Variants in JMJD4 observed in about 807,000 individuals in gnomAD.
The protein encoded by JMJD4 is jumonji domain containing 4, also known as 2-oxoglutarate and iron-dependent oxygenase JMJD4.
In JMJD4, 34 loss-of-function variants were observed where a neutral mutation model predicts 36.3. The observed-to-expected ratio is 0.94, with a 90% CI of 0.71 to 1.25. JMJD4 has a LOEUF of 1.25. Among genes scored for constraint, JMJD4 ranks in the 50% most tolerant of loss-of-function variants. The pLI is 0.00. For synonymous variants in JMJD4, 269 were observed against 235.3 expected (o/e 1.14, Z -1.31); for missense variants, 584 against 559.1 (o/e 1.04, Z -0.45).
Position 227,732,916 on chromosome 1 carries a change from TCCAC to T in JMJD4, c.930_933del (p.Trp311GlyfsTer15). On this transcript the variant is annotated frameshift_variant, in exon 5 of 6. Coordinates refer to ENST00000620518, the MANE Select transcript of JMJD4 (RefSeq NM_023007.3). LOFTEE classifies it low-confidence loss of function (END_TRUNC). Reference sequence around the variant, plus strand: ...TGGTGCCAGTCGGGCATGGAGTCCCTCCACTCGCTGACCTCCTCCTGCACGGCGC... The same window carrying T: ...TGGTGCCAGTCGGGCATGGAGTCCCTTCGCTGACCTCCTCCTGCACGGCGC... The T allele has an allele frequency of 3.1e-6, 5 of 1,612,938 alleles. No homozygotes were observed. Among genetic ancestry groups the T allele is most frequent in the Non-Finnish European group, 4.2e-6 (5 of 1,180,000 alleles).
chr1:227,734,566 C>T, intron 2 of JMJD4, 85 bp downstream of exon 2: 12 of 1,372,864 alleles, frequency 8.7e-6, no homozygotes, highest in Admixed American at 1.8e-5. Flanking sequence ...CGTTGTGCAC[C>T]CAGGGGCCAC....
At chr1:227,734,152 C>G (rs1660886762) in intron 2 of JMJD4, 120 bp from the exon 3 acceptor site, 1 of 1,160,330 alleles carries the variant, frequency 8.6e-7, no homozygotes, top group Admixed American at 2.5e-5. Context: ...GCTGCAGCCC[C>G]CAAAGAGCCC....
rs957384866 is a variant in JMJD4, at chr1:227,735,046, C to T, written c.228G>A (p.Gly76=). The T allele has an allele frequency of 1.3e-6, 2 of 1,555,278 alleles. No homozygotes were observed. Among genetic ancestry groups the T allele is most frequent in the Admixed American group, 1.9e-5 (1 of 52,068 alleles). The stretch of plus-strand genomic sequence containing the variant: ...GTAGCAGGTGGTCGAAGTCGGGCCT[C>T]CCCGCGGGCGTCACCCAGCGCCGCC... ...GSRRRWVTPA[G]RPDFDHLLRT... The change falls in exon 1 of 6, where the codon GGG becomes GGA. Residue 76 remains glycine (G), a synonymous_variant. Coordinates refer to ENST00000620518, the MANE Select transcript of JMJD4 (RefSeq NM_023007.3).
chr1:227,733,603 G>A lies in JMJD4; in HGVS notation c.633C>T (p.Phe211=). 1.2e-6 allele frequency: 2 copies of A among 1,606,294 alleles called. No homozygotes were observed. The highest frequency in any genetic ancestry group is 2.2e-5 in the East Asian group (1 of 44,870). The change falls in exon 4 of 6, where the codon TTC becomes TTT. Residue 211 remains phenylalanine (F), a synonymous_variant. Transcript: ENST00000620518. ...NVCGRKKWLL[F]PPGQEEALRD... is the part of the protein sequence containing the mutation. ...GCAGGGCCTCTTCCTGCCCTGGGGG[G>A]AAGAGGAGCCACTTCTTCCTCCCAC...
In JMJD4 at chr1:227,733,971, C is replaced by A; in HGVS notation, c.490G>T (p.Glu164Ter). 4.3e-6 allele frequency: 7 copies of A among 1,613,960 alleles called. No individual in the cohort carries two copies. Among genetic ancestry groups the A allele is most frequent in the Non-Finnish European group, 5.1e-6 (6 of 1,180,022 alleles). ...TCCACATCCAGTGCATCCCAGAACTCATTCAGCCAGTCGGACGAGAAGTAC... is the reference window on the plus strand; with the variant it reads ...TCCACATCCAGTGCATCCCAGAACTAATTCAGCCAGTCGGACGAGAAGTAC... Reference protein sequence around the residue: ...PVYFSSDWLNEFWDALDVDDY... With the variant: ...PVYFSSDWLN Residue 164 changes from glutamate (E) to a stop codon, truncating the protein, a stop_gained, in exon 3 of 6, where the codon GAG becomes TAG. Coordinates refer to ENST00000620518, the MANE Select transcript of JMJD4 (RefSeq NM_023007.3). LOFTEE classifies it high-confidence loss of function.
At position 227,731,687 on chromosome 1, in the gene JMJD4, A is replaced by T. The variant is rs1164395843; in HGVS notation, c.*705T>A. 2 of 153,872 alleles carry T rather than the reference A, an allele frequency of 1.3e-5. No individual in the cohort carries two copies. Among genetic ancestry groups the T allele is most frequent in the African/African-American group, 4.8e-5 (2 of 41,470 alleles). The allele number at this position is 153,872 out of a possible 1,614,324, so 9.5% of individuals were successfully genotyped here. ...GGGCTGGGGACCCACCACTCCTGAG[A>T]ACAGCATCCTTGGGAAGACCCAGCT... On this transcript the variant is annotated 3_prime_UTR_variant, in exon 6 of 6. Coordinates refer to ENST00000620518, the MANE Select transcript of JMJD4 (RefSeq NM_023007.3).
At chr1:227,734,506 A>G (rs1321684662) in intron 2 of JMJD4, 145 bp downstream of exon 2, 2 of 698,224 alleles carry the variant, frequency 2.9e-6, no homozygotes. Flanking sequence ...GCGGAAGACA[A>G]TCCAGTTTCT....
At chr1:227,734,449 G>A (rs1178040331) in intron 2 of JMJD4, 2 of 465,196 alleles carry the variant, frequency 4.3e-6, no homozygotes, top group East Asian at 6.8e-5. Flanking sequence ...CAAAAAAAAA[G>A]GAAAAAAAAC....
intron 3 of JMJD4, 69 bp downstream of exon 3, chr1:227,733,831 TCCTGCCA>T: frequency 6.3e-7 from 1 of 1,597,068 alleles, no homozygotes; most frequent in Non-Finnish European, 8.5e-7. Context: ...GCAGCCCCCC[TCCTGCCA>T]CCCTGGGCCT....
At position 227,735,099 on chromosome 1, in the gene JMJD4, T is replaced by C; in HGVS notation, c.175A>G (p.Ser59Gly). 6.4e-7 allele frequency: 1 copy of C among 1,574,320 alleles called. No homozygotes were observed. The highest frequency in any genetic ancestry group is 1.8e-5 in the Admixed American group (1 of 54,410). ...LLPNLPCVFS[S>G]AFTQGWGSRR... ...CTGCCCCAGCCCTGCGTGAAGGCGC[T>C]GGAAAACACGCAGGGCAGGTTGGGC... Residue 59 changes from serine to glycine, a missense_variant, in exon 1 of 6, where the codon AGC becomes GGC. Transcript: ENST00000620518.
Position 227,732,868 on chromosome 1 carries a change from G to A in JMJD4, c.969+13C>T, listed in dbSNP as rs369464812. ...TCCCCCAGGAGGGTAGCCTCCATGC[G>A]TAGCCACCCCACCTGGCAGTGGTGG... On this transcript the variant is annotated intron_variant, in intron 5 of 5. Coordinates refer to ENST00000620518, the MANE Select transcript of JMJD4 (RefSeq NM_023007.3). 206 of 1,612,036 alleles carry A rather than the reference G, an allele frequency of 1.3e-4. No individual in the cohort carries two copies. The highest frequency in any genetic ancestry group is 4.7e-4 in the African/African-American group (35 of 74,938).
At chr1:227,734,943 C>CG in intron 1 of JMJD4, 69 bp downstream of exon 1, 1 of 1,497,714 alleles carries the variant, frequency 6.7e-7, no homozygotes, top group Non-Finnish European at 8.9e-7. Flanking sequence ...CCTCTCTAGG[C>CG]GGGGGCCTCC....
Position 227,734,772 on chromosome 1 carries a change from T to C in JMJD4, c.307A>G (p.Asn103Asp). The C allele has an allele frequency of 6.2e-7, 1 of 1,614,130 alleles. No homozygotes were observed. Among genetic ancestry groups the C allele is most frequent in the Non-Finnish European group, 8.5e-7 (1 of 1,180,024 alleles). Reference protein sequence around the residue: ...PVANCGVQEYNSNPKEHMTLR... With the variant: ...PVANCGVQEYDSNPKEHMTLR... Reference sequence around the variant, plus strand: ...GTCATGTGCTCTTTGGGGTTCGAGTTGTATTCCTGGACCCCACAGTTTGCA... The same window carrying C: ...GTCATGTGCTCTTTGGGGTTCGAGTCGTATTCCTGGACCCCACAGTTTGCA... The change falls in exon 2 of 6, where the codon AAC becomes GAC. Residue 103 changes from asparagine (N) to aspartate (D), a missense_variant. Physicochemically the swap from Asn to Asp is conservative, Grantham distance 23 (BLOSUM62 1). Coordinates refer to ENST00000620518, the MANE Select transcript of JMJD4 (RefSeq NM_023007.3).
intron 2 of JMJD4, 57 bp downstream of exon 2, chr1:227,734,594 C>A: frequency 6.3e-7 from 1 of 1,581,862 alleles, no homozygotes; most frequent in African/African-American, 1.3e-5. Flanking sequence ...AGAAAGGCCT[C>A]TGGGTTCACG....
rs1285163694 is a variant in JMJD4 at position 227,735,078 on chromosome 1, C to G, written c.196G>C (p.Gly66Arg). Residue 66 changes from glycine to arginine, a missense_variant, in exon 1 of 6, where the codon GGC (glycine) becomes CGC (arginine). Gly to Arg is a moderately radical substitution (Grantham distance 125). Coordinates refer to ENST00000620518, the MANE Select transcript of JMJD4 (RefSeq NM_023007.3). Reference sequence around the variant, plus strand: ...GGCGTCACCCAGCGCCGCCGGCTGCCCCAGCCCTGCGTGAAGGCGCTGGAA... The same window carrying G: ...GGCGTCACCCAGCGCCGCCGGCTGCGCCAGCCCTGCGTGAAGGCGCTGGAA... ...VFSSAFTQGWGSRRRWVTPAG... is the reference protein window; with the variant it reads ...VFSSAFTQGWRSRRRWVTPAG... 5.7e-6 allele frequency: 9 copies of G among 1,570,648 alleles called. No homozygotes were observed. The highest frequency in any genetic ancestry group is 4.0e-4 in the Middle Eastern group (2 of 4,950).
At position 227,732,011 on chromosome 1, in the gene JMJD4, G is replaced by A. The variant is rs1660681290; in HGVS notation, c.*381C>T. ...GAACCCACAGGGCAGAGCCAGGGGT[G>A]GTCCAATGGCCTGAGACGAGGGGAC... On this transcript the variant is annotated 3_prime_UTR_variant, in exon 6 of 6. Coordinates refer to ENST00000620518, the MANE Select transcript of JMJD4 (RefSeq NM_023007.3). 3.5e-6 allele frequency: 1 copy of A among 283,866 alleles called. No individual in the cohort carries two copies. Among genetic ancestry groups the A allele is most frequent in the Admixed American group, 4.6e-5 (1 of 21,924 alleles). 17.6% of individuals were successfully genotyped at this position (283,866 alleles called of 1,614,324 possible). A position where few individuals can be genotyped will look rare whatever the true frequency, so the allele number is the denominator to read the frequency against.
In JMJD4 at chr1:227,732,876, C is replaced by A; in HGVS notation, c.969+5G>T. The A allele has an allele frequency of 6.2e-7, 1 of 1,612,422 alleles. No individual in the cohort carries two copies. The highest frequency in any genetic ancestry group is 8.5e-7 in the Non-Finnish European group (1 of 1,179,982). Reference sequence around the variant, plus strand: ...GAGGGTAGCCTCCATGCGTAGCCACCCCACCTGGCAGTGGTGGTGCCAGTC... The same window carrying A: ...GAGGGTAGCCTCCATGCGTAGCCACACCACCTGGCAGTGGTGGTGCCAGTC... On this transcript the variant is annotated splice_donor_5th_base_variant and intron_variant, in intron 5 of 5. Coordinates refer to ENST00000620518, the MANE Select transcript of JMJD4 (RefSeq NM_023007.3).
Position 227,732,237 on chromosome 1 carries a change from A to G in JMJD4, c.*155T>C, listed in dbSNP as rs189409794. 140 of 862,860 alleles carry G rather than the reference A, an allele frequency of 1.6e-4. No homozygotes were observed. The East Asian group carries it at 3.4e-3, about 21-fold the overall frequency. 53.5% of individuals were successfully genotyped at this position (862,860 alleles called of 1,614,324 possible). On this transcript the variant is annotated 3_prime_UTR_variant, in exon 6 of 6. Transcript: ENST00000620518. ...CCTGACCTCATTGGGCCTCACCTGA[A>G]AACAGGCACCCAGGCAGTGGCCATG...
Position 227,731,291 on chromosome 1 carries a change from A to T in JMJD4, c.*1101T>A, listed in dbSNP as rs1242988426. 1.3e-5 allele frequency: 2 copies of T among 152,346 alleles called. No individual in the cohort carries two copies. The highest frequency in any genetic ancestry group is 4.8e-5 in the African/African-American group (2 of 41,474). 9.4% of individuals were successfully genotyped at this position (152,346 alleles called of 1,614,324 possible). On this transcript the variant is annotated 3_prime_UTR_variant, in exon 6 of 6. Coordinates refer to ENST00000620518, the MANE Select transcript of JMJD4 (RefSeq NM_023007.3). ...ATGATTCACTGAACAGAGCAGACAG[A>T]AACCCCTGCCCTTCTTGGGGGCTTC...
Sources: allele counts gnomAD v4.1 joint callset, GRCh38; gene constraint gnomAD v4.1.1; transcripts MANE v1.5; gene names NCBI Gene and HGNC (gene_info 2026-07-23, HGNC 2026-07-21).